The following ERAP1 variants were observed in gnomAD, a reference collection of about 807,000 sequenced individuals.
ERAP1 encodes endoplasmic reticulum aminopeptidase 1.
In ERAP1, 86 loss-of-function variants were observed where a neutral mutation model predicts 103.7. That is an observed-to-expected ratio of 0.83 (90% CI 0.70 to 0.99). The LOEUF (loss-of-function observed/expected upper bound fraction) is 0.99. Ranked by LOEUF, ERAP1 falls within the 50% of genes least tolerant of loss-of-function variation. The pLI, the probability that ERAP1 is intolerant of heterozygous loss-of-function variation, is 0.00. For synonymous variants in ERAP1, 398 were observed against 402.4 expected (o/e 0.99, Z 0.13); for missense variants, 1,009 against 1,128.4 (o/e 0.89, Z 1.52).
At chr5:96,830,667 G>A in the ERAP1 span, among the ~76,000 whole-genome samples, 110 of 152,282 alleles carry the variant, frequency 7.2e-4, no homozygotes, top group South Asian at 3.9e-3. Flanking sequence ...ATATGAAGTC[G>A]AAAGCAAGCC....
At chr5:96,838,422 C>T in the ERAP1 span, among the ~76,000 whole-genome samples, 1 of 152,072 alleles carries the variant, frequency 6.6e-6, no homozygotes. Flanking sequence ...GCTTTCTTTC[C>T]CCCCAGTTTT....
chr5:96,780,825 T>C (rs1775057931), intron 17 of ERAP1, among the ~76,000 whole-genome samples: 1 of 152,214 alleles, frequency 6.6e-6, no homozygotes, highest in Non-Finnish European at 1.5e-5. Flanking sequence ...GATATGTCCA[T>C]GGGCTCAGGA....
chr5:96,886,527 C>T, the ERAP1 span: 2 of 635,440 alleles, frequency 3.1e-6, no homozygotes, highest in Non-Finnish European at 4.7e-6. Flanking sequence ...GGCCATTGCC[C>T]CCCTAGGAGG....
At chr5:96,882,898 C>T in the ERAP1 span, among the ~76,000 whole-genome samples, 2 of 152,204 alleles carry the variant, frequency 1.3e-5, no homozygotes, top group African/African-American at 4.8e-5. Context: ...CTATTCCCCC[C>T]TCCTTTTCCA....
chr5:96,926,548 G>T, the ERAP1 span, among the ~76,000 whole-genome samples: 1 of 151,972 alleles, frequency 6.6e-6, no homozygotes, highest in Non-Finnish European at 1.5e-5. Context: ...TCATATAAAT[G>T]GAATGATACA....
Position 96,803,901 on chromosome 5 carries a change from GA to G in ERAP1, c.25del (p.Ser9ProfsTer16), listed in dbSNP as rs759692550. On this transcript the variant is annotated frameshift_variant, in exon 2 of 19. Transcript: ENST00000443439. LOFTEE classifies it high-confidence loss of function. MVFLPLKW[S>X]LATMSFLLSS... ...AAGTAGAAATGACATGGTTGCAAGG[GA>G]CCATTTGAGGGGCAGAAACACCATC... is the stretch of plus-strand genomic sequence containing the variant. The G allele has an allele frequency of 2.5e-6, 4 of 1,608,610 alleles. No homozygotes were observed. The South Asian group carries it at 4.4e-5, about 18-fold the overall frequency.
Position 96,776,566 on chromosome 5 carries a change from G to A in ERAP1, c.2671-15C>T, listed in dbSNP as rs762739679. The A allele has an allele frequency of 6.2e-7, 1 of 1,612,580 alleles. No homozygotes were observed. Among genetic ancestry groups the A allele is most frequent in the Non-Finnish European group, 8.5e-7 (1 of 1,179,736 alleles). On this transcript the variant is annotated splice_polypyrimidine_tract_variant and intron_variant, in intron 18 of 18. Coordinates refer to ENST00000443439, the MANE Select transcript of ERAP1 (RefSeq NM_001040458.3). ...AATCCTTTTACCTTGTGAGGAAAAAGTGGGTTTTAAAAAATTAATTTTATC... is the reference window on the plus strand; with the variant it reads ...AATCCTTTTACCTTGTGAGGAAAAAATGGGTTTTAAAAAATTAATTTTATC...
the ERAP1 span, among the ~76,000 whole-genome samples, chr5:96,820,432 C>G: frequency 1.3e-5 from 2 of 152,152 alleles, no homozygotes; most frequent in African/African-American, 4.8e-5. Context: ...AATTGCTGAT[C>G]TGATCTGGTC....
the ERAP1 span, among the ~76,000 whole-genome samples, chr5:96,859,678 T>G: frequency 6.6e-6 from 1 of 152,226 alleles, no homozygotes; most frequent in Non-Finnish European, 1.5e-5. Flanking sequence ...TTTTCTCATC[T>G]GTAATATCTC....
At chr5:96,914,297 C>T in the ERAP1 span, among the ~76,000 whole-genome samples, 1 of 152,124 alleles carries the variant, frequency 6.6e-6, no homozygotes, top group Admixed American at 6.5e-5. Flanking sequence ...CAGTTAGCAT[C>T]CCTGATATCA....
upstream of ERAP1, chr5:96,808,111 T>C: frequency 2.0e-6 from 2 of 985,038 alleles, no homozygotes; most frequent in South Asian, 9.4e-5. Flanking sequence ...AAATGAGCGC[T>C]GCACGCCGGG....
At chr5:96,873,234 C>T in the ERAP1 span, 1 of 394,652 alleles carries the variant, frequency 2.5e-6, no homozygotes, top group African/African-American at 2.1e-5. Context: ...AATATTTTGA[C>T]AATAAAGTCT....
chr5:96,797,141 A>G, intron 4 of ERAP1, 34 bp downstream of exon 4: 1 of 1,613,750 alleles, frequency 6.2e-7, no homozygotes, highest in African/African-American at 1.3e-5. Flanking sequence ...AACCAGAACA[A>G]GCTGGTCACC....
the ERAP1 span, chr5:96,896,713 C>A: frequency 3.9e-6 from 6 of 1,550,428 alleles, no homozygotes; most frequent in Non-Finnish European, 1.7e-6. Flanking sequence ...TTTTTCAACT[C>A]TTTTGTTTTT....
chr5:96,805,721 G>C (rs945381423), intron 1 of ERAP1: 1 of 152,288 alleles, frequency 6.6e-6, no homozygotes, highest in Non-Finnish European at 1.5e-5. Context: ...AGAGTAAATG[G>C]AACTTGTGTT....
chr5:96,785,805 A>G lies in ERAP1; in HGVS notation c.1926T>C (p.Asn642=). Residue 642 remains asparagine (N), a synonymous_variant, in exon 13 of 19, where the codon AAT becomes AAC. Coordinates refer to ENST00000443439, the MANE Select transcript of ERAP1 (RefSeq NM_001040458.3). ...SSNDRASLIN[N]AFQLVSIGKL... ...TGTATTACCTGACGAGCTGAAATGC[A>G]TTGTTAATGAGACTCGCCCGATCAT... is the stretch of plus-strand genomic sequence containing the variant. 1 of 1,614,164 alleles carries G rather than the reference A, an allele frequency of 6.2e-7. No homozygotes were observed. The highest frequency in any genetic ancestry group is 8.5e-7 in the Non-Finnish European group (1 of 1,180,006).
the ERAP1 span, among the ~76,000 whole-genome samples, chr5:96,908,007 C>T: frequency 3.3e-5 from 5 of 152,092 alleles, no homozygotes; most frequent in African/African-American, 1.2e-4. Flanking sequence ...AGCAAGTCAT[C>T]GTGATTGAGA....
chr5:96,850,772 CTT>C, the ERAP1 span, among the ~76,000 whole-genome samples: 3 of 151,994 alleles, frequency 2.0e-5, no homozygotes, highest in African/African-American at 7.2e-5. Context: ...ATAAAAATAA[CTT>C]TTAAAAAAAG....
At chr5:96,871,767 T>C in the ERAP1 span, among the ~76,000 whole-genome samples, 1 of 152,224 alleles carries the variant, frequency 6.6e-6, no homozygotes, top group African/African-American at 2.4e-5. Flanking sequence ...ATGGCGGCAT[T>C]TTTCTGTTTT....
Sources: allele counts gnomAD v4.1 joint callset (sites outside exome capture counted in the v4.1 genomes callset), GRCh38; gene constraint gnomAD v4.1.1; transcripts MANE v1.5; gene names NCBI Gene and HGNC (gene_info 2026-07-23, HGNC 2026-07-21).